The following LAMA1 variants were observed in gnomAD, a reference collection of about 807,000 sequenced individuals.
LAMA1 encodes laminin subunit alpha-1.
A neutral mutation model predicts 348.7 loss-of-function variants in LAMA1; 219 were observed. The observed-to-expected ratio is 0.63, with a 90% CI of 0.56 to 0.70. The LOEUF (loss-of-function observed/expected upper bound fraction) is 0.70. Ranked by LOEUF, LAMA1 falls within the 30% of genes least tolerant of loss-of-function variation. LAMA1 has a pLI of 0.00. For missense variants in LAMA1, 3,744 were observed against 3,888.0 expected, an observed-to-expected ratio of 0.96 and a Z score of 0.99; for synonymous variants, 1,487 against 1,491.0, an observed-to-expected ratio of 1.00 and a Z score of 0.06.
chr18:6,979,086 C>G (rs2057696527), intron 42 of LAMA1, among the ~76,000 whole-genome samples: 1 of 152,018 alleles, frequency 6.6e-6, no homozygotes, highest in Non-Finnish European at 1.5e-5. Context: ...ATACAGGTGG[C>G]CTTTTTACTT....
rs181795449 is a variant in LAMA1, at chr18:7,077,356, C to T, written c.345+2619G>A. Among the ~76,000 whole-genome samples, 367 of 152,100 alleles carry T rather than the reference C, an allele frequency of 2.4e-3. 2 individuals are homozygous for T. Among genetic ancestry groups the T allele is most frequent in the Non-Finnish European group, 4.3e-3 (289 of 67,978 alleles). On this transcript the variant is annotated intron_variant, in intron 3 of 62. Transcript: ENST00000389658. ...AGCTGGGACTACAGGTGCCCACCAC[C>T]ACGCCTGGCTCATTTTTTTGTATCT...
intron 29 of LAMA1, among the ~76,000 whole-genome samples, chr18:7,006,290 T>C (rs1479076843): frequency 2.0e-5 from 3 of 152,156 alleles, no homozygotes; most frequent in Non-Finnish European, 4.4e-5. Context: ...GAGACCAATC[T>C]TGGCCTAGGA....
intron 3 of LAMA1, among the ~76,000 whole-genome samples, chr18:7,073,822 T>TTGTG (rs112415914): frequency 0.051 from 7,089 of 139,836 alleles, 509 homozygotes; most frequent in African/African-American, 0.17. Flanking sequence ...ACCATACTGG[T>TTGTG]TGTGTGTGTG....
chr18:6,962,079 A>C lies in LAMA1; in HGVS notation c.7338-20T>G. The C allele has an allele frequency of 6.4e-7, 1 of 1,569,384 alleles. No homozygotes were observed. Among genetic ancestry groups the C allele is most frequent in the Non-Finnish European group, 8.8e-7 (1 of 1,139,362 alleles). On this transcript the variant is annotated intron_variant, in intron 51 of 62. Transcript: ENST00000389658. ...CCTCTCCTGTAGGGAAGGGCATGAGAACAATCACAAAATTTGGGTTTTTAA... is the reference window on the plus strand; with the variant it reads ...CCTCTCCTGTAGGGAAGGGCATGAGCACAATCACAAAATTTGGGTTTTTAA...
chr18:7,031,091 C>T (rs2057967187), intron 16 of LAMA1, among the ~76,000 whole-genome samples: 1 of 152,128 alleles, frequency 6.6e-6, no homozygotes, highest in African/African-American at 2.4e-5. Flanking sequence ...CCATCCTGGA[C>T]ATAAGCCATC....
intron 3 of LAMA1, among the ~76,000 whole-genome samples, chr18:7,054,103 C>T (rs2058072438): frequency 6.6e-6 from 1 of 152,046 alleles, no homozygotes. Context: ...ATTCAAGCTC[C>T]CCCATAATAT....
At chr18:7,078,317 C>T (rs1480727496) in intron 3 of LAMA1, among the ~76,000 whole-genome samples, 1 of 151,228 alleles carries the variant, frequency 6.6e-6, no homozygotes, top group Non-Finnish European at 1.5e-5. Flanking sequence ...CAGGCGCCTG[C>T]CACCACGCCC....
chr18:7,103,757 T>C (rs2058300785), intron 1 of LAMA1, among the ~76,000 whole-genome samples: 1 of 151,190 alleles, frequency 6.6e-6, no homozygotes, highest in Non-Finnish European at 1.5e-5. Flanking sequence ...AGGTGGAGGT[T>C]GCATTGAGCC....
chr18:6,988,357 T>A (rs2057744418), intron 36 of LAMA1, among the ~76,000 whole-genome samples: 1 of 152,210 alleles, frequency 6.6e-6, no homozygotes, highest in Non-Finnish European at 1.5e-5. Context: ...GGCAGATTCC[T>A]TGAACAAATA....
At chr18:7,072,445 T>C (rs902566133) in intron 3 of LAMA1, among the ~76,000 whole-genome samples, 5 of 152,152 alleles carry the variant, frequency 3.3e-5, no homozygotes, top group Non-Finnish European at 7.3e-5. Context: ...CAATAGTTAA[T>C]ACATAAATGG....
Position 7,023,244 on chromosome 18 carries a change from A to T in LAMA1, c.2621T>A (p.Leu874Gln). 3 of 1,613,980 alleles carry T rather than the reference A, an allele frequency of 1.9e-6. No individual in the cohort carries two copies. Among genetic ancestry groups the T allele is most frequent in the Non-Finnish European group, 2.5e-6 (3 of 1,180,016 alleles). The change falls in exon 19 of 63, where the codon CTG becomes CAG. Residue 874 changes from leucine (L) to glutamine (Q), a missense_variant. Physicochemically the swap from Leu to Gln is moderately radical, Grantham distance 113. Transcript: ENST00000389658. ...DSVTGECLKCLGNTDGAHCER... is the reference protein window; with the variant it reads ...DSVTGECLKCQGNTDGAHCER... ...ACAGTGGGCGCCATCTGTGTTCCCC[A>T]GGCACTTCAGGCACTCCCCGGTGAC...
rs777209738 is a variant in LAMA1 at position 6,966,168 on chromosome 18, GAGA to G, written c.7026_7028del (p.Leu2343del). 1.2e-5 allele frequency: 19 copies of G among 1,614,084 alleles called. No homozygotes were observed. Among genetic ancestry groups the G allele is most frequent in the Middle Eastern group, 1.6e-4 (1 of 6,074 alleles). ...TTACTGTGCCGTATGAACCCAGGTA[GAGA>G]AGAAGTCCATTAGGTGAAAAGGTAT... On this transcript the variant is annotated inframe_deletion, in exon 49 of 63. Coordinates refer to ENST00000389658, the MANE Select transcript of LAMA1 (RefSeq NM_005559.4).
At chr18:7,065,042 G>A (rs1448254766) in intron 3 of LAMA1, among the ~76,000 whole-genome samples, 1 of 151,780 alleles carries the variant, frequency 6.6e-6, no homozygotes, top group Non-Finnish European at 1.5e-5. Context: ...GACCATCCTG[G>A]CTAACAGGGT....
intron 3 of LAMA1, among the ~76,000 whole-genome samples, chr18:7,051,946 A>C (rs1037147797): frequency 6.6e-6 from 1 of 152,212 alleles, no homozygotes; most frequent in African/African-American, 2.4e-5. Context: ...GCTCCTGGGA[A>C]TTCAACCAAA....
rs370325715 is a variant in LAMA1 at position 7,024,426 on chromosome 18, C to T, written c.2443G>A (p.Val815Ile). 6.2e-7 allele frequency: 1 copy of T among 1,614,118 alleles called. No individual in the cohort carries two copies. The highest frequency in any genetic ancestry group is 2.2e-5 in the East Asian group (1 of 44,880). ...TCHLNDGDEVVCDWCAPGYSG... is the reference protein window; with the variant it reads ...TCHLNDGDEVICDWCAPGYSG... ...TAGCCCGGGGCACACCAGTCACAGA[C>T]CACTTCATCTCCATCATTGAGGTGG... Residue 815 changes from valine to isoleucine, a missense_variant, in exon 18 of 63, where the codon GTC becomes ATC. Val to Ile is a conservative substitution (Grantham distance 29, BLOSUM62 3). Coordinates refer to ENST00000389658, the MANE Select transcript of LAMA1 (RefSeq NM_005559.4).
rs751104295 is a variant in LAMA1, at chr18:6,943,199, A to C, written c.9048T>G (p.Ile3016Met). The change falls in exon 62 of 63, where the codon ATT (isoleucine) becomes ATG (methionine). Residue 3016 changes from isoleucine (I) to methionine (M), a missense_variant. Ile to Met is a conservative substitution (Grantham distance 10). Transcript: ENST00000389658. ...QSTSVDTNNP[I>M]YVGGYPAGVK... ...ACATACCAGGATAGCCACCAACATA[A>C]ATGGGATTGTTGGTGTCCACTGAGG... 4 of 1,613,970 alleles carry C rather than the reference A, an allele frequency of 2.5e-6. No homozygotes were observed.
chr18:7,067,391 A>G (rs967502433), intron 3 of LAMA1, among the ~76,000 whole-genome samples: 1 of 152,168 alleles, frequency 6.6e-6, no homozygotes, highest in Admixed American at 6.5e-5. Context: ...ATGCTCACAG[A>G]AAGAAGCCAG....
chr18:6,999,441 T>G lies in LAMA1; in HGVS notation c.4663+4A>C. 6.2e-7 allele frequency: 1 copy of G among 1,614,160 alleles called. No homozygotes were observed. The highest frequency in any genetic ancestry group is 8.5e-7 in the Non-Finnish European group (1 of 1,180,018). ...CTTTACACATTTAGAGGAGAAATAC[T>G]CACAAACACAATCTGTTTCCATCAG... On this transcript the variant is annotated splice_donor_region_variant and intron_variant, in intron 32 of 62. Coordinates refer to ENST00000389658, the MANE Select transcript of LAMA1 (RefSeq NM_005559.4).
At chr18:7,070,066 C>T (rs2058139668) in intron 3 of LAMA1, among the ~76,000 whole-genome samples, 1 of 152,170 alleles carries the variant, frequency 6.6e-6, no homozygotes, top group Admixed American at 6.5e-5. Context: ...AGACCTATTT[C>T]TGAGTCTAGT....
Sources: gnomAD v4.1 joint callset for allele counts (sites outside exome capture counted in the v4.1 genomes callset) on GRCh38, gnomAD v4.1.1 for gene constraint, MANE v1.5 for transcripts, NCBI Gene and HGNC (gene_info 2026-07-23, HGNC 2026-07-21) for gene names.